Variants in NUP155 observed in about 807,000 individuals in gnomAD.
The protein encoded by NUP155 is nucleoporin 155.
A neutral mutation model predicts 180.4 loss-of-function variants in NUP155; 71 were observed. That is an observed-to-expected ratio of 0.39 (90% CI 0.33 to 0.48). The LOEUF is 0.48. Ranked by LOEUF, NUP155 falls within the 20% of genes least tolerant of loss-of-function variation. The pLI is 0.91. For missense variants in NUP155, 1,553 were observed against 1,648.9 expected (o/e 0.94, Z 1.01); for synonymous variants, 582 against 559.5 (o/e 1.04, Z -0.57).
intron 19 of NUP155, among the ~76,000 whole-genome samples, chr5:37,324,733 T>C (rs2150961279): frequency 6.6e-6 from 1 of 152,290 alleles, no homozygotes; most frequent in South Asian, 2.1e-4. Context: ...TATTTTATTT[T>C]ATAGAAAAGG....
At chr5:37,296,407 T>G (rs1561765035) in intron 32 of NUP155, among the ~76,000 whole-genome samples, 2 of 152,088 alleles carry the variant, frequency 1.3e-5, no homozygotes, top group Admixed American at 6.5e-5. Flanking sequence ...AAACATGTGC[T>G]GTGTCCACTC....
intron 11 of NUP155, among the ~76,000 whole-genome samples, chr5:37,339,845 C>A (rs1745595014): frequency 6.6e-6 from 1 of 152,104 alleles, no homozygotes; most frequent in African/African-American, 2.4e-5. Context: ...TTCACTGTAA[C>A]CTTCACTTCC....
At chr5:37,338,572 A>C (rs552233752) in intron 11 of NUP155, among the ~76,000 whole-genome samples, 1 of 151,762 alleles carries the variant, frequency 6.6e-6, no homozygotes, top group South Asian at 2.1e-4. Flanking sequence ...CGCCCGACTA[A>C]TTTTTTGTAT....
intron 25 of NUP155, among the ~76,000 whole-genome samples, chr5:37,305,896 AAAAAC>A (rs1293397462): frequency 6.6e-6 from 1 of 151,946 alleles, no homozygotes; most frequent in Non-Finnish European, 1.5e-5. Context: ...AAAACCCCCC[AAAAAC>A]AAAACAAAAC....
chr5:37,303,710 C>G (rs562005391), intron 27 of NUP155, among the ~76,000 whole-genome samples: 1 of 152,214 alleles, frequency 6.6e-6, no homozygotes, highest in African/African-American at 2.4e-5. Flanking sequence ...CTTTGGGAGG[C>G]CGAGGTGGGC....
chr5:37,357,288 T>C (rs1746889166), intron 4 of NUP155, among the ~76,000 whole-genome samples: 1 of 149,674 alleles, frequency 6.7e-6, no homozygotes, highest in Admixed American at 6.8e-5. Context: ...TCCCAGCTAC[T>C]TGGGAGGCTG....
rs1481619214 is a variant in NUP155, at chr5:37,331,809, A to G, written c.1519-14T>C. 6.7e-7 allele frequency: 1 copy of G among 1,496,210 alleles called. No homozygotes were observed. 92.7% of individuals were successfully genotyped at this position (1,496,210 alleles called of 1,614,324 possible). On this transcript the variant is annotated splice_polypyrimidine_tract_variant and intron_variant, in intron 13 of 34. Transcript: ENST00000231498. Reference sequence around the variant, plus strand: ...CATAAGGCTCCCCTAAGAAATTTGAAGAAAGAACATGAACAAGAGATTTAC... The same window carrying G: ...CATAAGGCTCCCCTAAGAAATTTGAGGAAAGAACATGAACAAGAGATTTAC...
intron 22 of NUP155, among the ~76,000 whole-genome samples, chr5:37,311,439 T>C (rs1743515502): frequency 6.6e-6 from 1 of 151,516 alleles, no homozygotes. Context: ...CTACTTGGTA[T>C]GAAAAAGATA....
intron 1 of NUP155, among the ~76,000 whole-genome samples, chr5:37,369,894 G>A (rs1489088708): frequency 6.6e-6 from 1 of 152,142 alleles, no homozygotes; most frequent in Admixed American, 6.5e-5. Context: ...TAAGCCGTGG[G>A]GAGCTGGTTA....
intron 24 of NUP155, 37 bp from the exon 25 acceptor site, chr5:37,307,469 C>T (rs374611929): frequency 7.8e-5 from 125 of 1,606,838 alleles, no homozygotes; most frequent in Non-Finnish European, 1.0e-4. Context: ...CTATGACTTA[C>T]TACTAAGTTG....
At chr5:37,338,892 C>A (rs1178462129) in intron 11 of NUP155, among the ~76,000 whole-genome samples, 1 of 151,606 alleles carries the variant, frequency 6.6e-6, no homozygotes, top group Non-Finnish European at 1.5e-5. Flanking sequence ...ATGGGTTTAT[C>A]AATTTAATTA....
intron 20 of NUP155, among the ~76,000 whole-genome samples, chr5:37,322,451 T>G (rs216373): frequency 0.027 from 4,106 of 152,266 alleles, 199 homozygotes; most frequent in African/African-American, 0.093. Flanking sequence ...CTCACGCCTG[T>G]AATCTCAGCA....
intron 12 of NUP155, among the ~76,000 whole-genome samples, chr5:37,336,909 T>C (rs933131785): frequency 2.0e-5 from 3 of 152,200 alleles, no homozygotes; most frequent in Admixed American, 6.5e-5. Flanking sequence ...AAAGAACCAC[T>C]AGTTTTCAGT....
In NUP155 at chr5:37,333,450, A is replaced by T. The variant is rs772022924; in HGVS notation, c.1518+13T>A. 18 of 1,611,966 alleles carry T rather than the reference A, an allele frequency of 1.1e-5. No individual in the cohort carries two copies. The highest frequency in any genetic ancestry group is 1.4e-5 in the Non-Finnish European group (17 of 1,178,128). On this transcript the variant is annotated intron_variant, in intron 13 of 34. Transcript: ENST00000231498. ...CTTATTTTTGTCACTACCATAACAG[A>T]ATACGTACACACCTGTGCTGAGAGG...
At position 37,316,612 on chromosome 5, in the gene NUP155, C is replaced by T. The variant is rs187863863; in HGVS notation, c.2305+1376G>A. Among the ~76,000 whole-genome samples, 263 of 151,744 alleles carry T rather than the reference C, an allele frequency of 1.7e-3. 2 individuals are homozygous for T. Among genetic ancestry groups the T allele is most frequent in the African/African-American group, 6.0e-3 (250 of 41,384 alleles). The stretch of plus-strand genomic sequence containing the variant: ...CCCGAGCAGCTGGGATTACAGGTGC[C>T]CGCCACCACGCCTGGCTAATTTTTG... On this transcript the variant is annotated intron_variant, in intron 21 of 34. Transcript: ENST00000231498.
At chr5:37,349,464 G>A (rs184879411) in intron 7 of NUP155, among the ~76,000 whole-genome samples, 74 of 152,212 alleles carry the variant, frequency 4.9e-4, no homozygotes, top group African/African-American at 1.6e-3. Flanking sequence ...GCTAAATACT[G>A]TGACTGGGTT....
At chr5:37,331,378 C>G (rs1477355754) in intron 14 of NUP155, among the ~76,000 whole-genome samples, 1 of 152,110 alleles carries the variant, frequency 6.6e-6, no homozygotes, top group Non-Finnish European at 1.5e-5. Context: ...AGTTCGAGAC[C>G]AGCCTGACCA....
intron 20 of NUP155, among the ~76,000 whole-genome samples, chr5:37,320,501 A>AGG (rs1180718042): frequency 6.6e-6 from 1 of 152,186 alleles, no homozygotes; most frequent in Admixed American, 6.5e-5. Context: ...AAAGAGAGAG[A>AGG]GAGAGATTAC....
At chr5:37,354,272 G>A (rs770028148) in intron 4 of NUP155, among the ~76,000 whole-genome samples, 16 of 151,670 alleles carry the variant, frequency 1.1e-4, no homozygotes, top group African/African-American at 1.7e-4. Flanking sequence ...TCAGCCTCCC[G>A]AGTAGGTGAG....
Sources: gnomAD v4.1 joint callset for allele counts (sites outside exome capture counted in the v4.1 genomes callset) on GRCh38, gnomAD v4.1.1 for gene constraint, MANE v1.5 for transcripts, NCBI Gene and HGNC (gene_info 2026-07-23, HGNC 2026-07-21) for gene names.